TMEM165: variants seen among roughly 807,000 people sequenced by gnomAD.
The protein encoded by TMEM165 is transmembrane protein 165.
A neutral mutation model predicts 30.0 loss-of-function variants in TMEM165; 19 were observed. The ratio of observed to expected loss-of-function variants is 0.63; its 90% CI spans 0.44 to 0.93. TMEM165 has a LOEUF of 0.93. Ranked by LOEUF, TMEM165 falls within the 40% of genes least tolerant of loss-of-function variation. The pLI, the probability that TMEM165 is intolerant of heterozygous loss-of-function variation, is 0.00. For missense variants in TMEM165, 340 were observed against 417.0 expected (o/e 0.82, Z 1.61); for synonymous variants, 168 against 162.9 (o/e 1.03, Z -0.24).
chr4:55,424,644 G>T lies in TMEM165; in HGVS notation c.898+1G>T, dbSNP rs111449619. On this transcript the variant is annotated splice_donor_variant, in intron 5 of 5. Coordinates refer to ENST00000381334, the MANE Select transcript of TMEM165 (RefSeq NM_018475.5). LOFTEE classifies it high-confidence loss of function. ...GCACAGAAAATCTCTGTCAGAACTG[G>T]TAAGTCTTGAAAATTACAAATCAGA... The T allele has an allele frequency of 6.3e-7, 1 of 1,575,538 alleles. No individual in the cohort carries two copies. The highest frequency in any genetic ancestry group is 8.7e-7 in the Non-Finnish European group (1 of 1,144,760).
chr4:55,428,400 T>C (rs1214859374), downstream of TMEM165: 6 of 152,204 alleles, frequency 3.9e-5, no homozygotes, highest in African/African-American at 9.6e-5. Flanking sequence ...CAAACATACA[T>C]AGGTCATGAA....
At chr4:55,438,659 G>A (rs1456287019) in intron 3 of TMEM165, 1 of 1,412,932 alleles carries the variant, frequency 7.1e-7, no homozygotes. Flanking sequence ...GTTTTTCAAG[G>A]TCTGTATATT....
chr4:55,405,721 G>A (rs773209843), intron 1 of TMEM165, among the ~76,000 whole-genome samples: 9 of 151,944 alleles, frequency 5.9e-5, no homozygotes, highest in Non-Finnish European at 1.2e-4. Context: ...GTCTTAACAC[G>A]GGTTTCATGC....
At chr4:55,413,302 A>T (rs529172319) in intron 2 of TMEM165, among the ~76,000 whole-genome samples, 1 of 149,646 alleles carries the variant, frequency 6.7e-6, no homozygotes, top group African/African-American at 2.5e-5. Flanking sequence ...TATTTTTTAA[A>T]TTTTTATTTA....
At chr4:55,400,593 A>G (rs993900621) in intron 1 of TMEM165, among the ~76,000 whole-genome samples, 2 of 144,674 alleles carry the variant, frequency 1.4e-5, no homozygotes, top group Middle Eastern at 3.2e-3. Flanking sequence ...GCCCGCCACC[A>G]TGCCCGCCTA....
chr4:55,426,944 C>T (rs189993425), downstream of TMEM165, among the ~76,000 whole-genome samples: 1 of 151,954 alleles, frequency 6.6e-6, no homozygotes. Context: ...AAAACAATGT[C>T]TGTGGATTAA....
At chr4:55,449,503 T>A (rs767896846) in intron 3 of TMEM165, 1 of 1,606,318 alleles carries the variant, frequency 6.2e-7, no homozygotes, top group Admixed American at 1.7e-5. Context: ...GTTGCTGAAG[T>A]CAACAAAATC....
intron 3 of TMEM165, chr4:55,432,681 AAGC>A (rs1722601030): frequency 6.6e-6 from 1 of 151,922 alleles, no homozygotes; most frequent in African/African-American, 2.4e-5. Context: ...GAGGAAAACA[AAGC>A]AGCAAAGAGG....
Position 55,425,497 on chromosome 4 carries a change from A to C in TMEM165, c.*45A>C. The C allele has an allele frequency of 7.0e-7, 1 of 1,431,552 alleles. No individual in the cohort carries two copies. The highest frequency in any genetic ancestry group is 9.8e-7 in the Non-Finnish European group (1 of 1,017,014). The allele number at this position is 1,431,552 out of a possible 1,614,324, so 88.7% of individuals were successfully genotyped here. The stretch of plus-strand genomic sequence containing the variant: ...TATTTAGTTTAAAATAGGTAGTATT[A>C]TCTTTCTGTACATAGTGTACATTAC... On this transcript the variant is annotated 3_prime_UTR_variant, in exon 6 of 6. Transcript: ENST00000381334.
At chr4:55,399,648 A>G (rs1720870929) in intron 1 of TMEM165, among the ~76,000 whole-genome samples, 1 of 152,220 alleles carries the variant, frequency 6.6e-6, no homozygotes, top group African/African-American at 2.4e-5. Flanking sequence ...AAATCTAGCC[A>G]TGCAGAATGC....
chr4:55,412,487 T>C (rs1352460541), intron 2 of TMEM165: 1 of 148,396 alleles, frequency 6.7e-6, no homozygotes, highest in Non-Finnish European at 1.5e-5. Context: ...TGATACCCAC[T>C]ATCACCATCA....
At chr4:55,427,038 T>TG (rs1237589469), downstream of TMEM165, among the ~76,000 whole-genome samples, 36 of 35,794 alleles carry the variant, frequency 1.0e-3, no homozygotes, top group African/African-American at 6.3e-3. Context: ...TCACTAGTAT[T>TG]TTTTTTTTTT....
At chr4:55,448,590 G>GTGCA (rs1724094842) in intron 3 of TMEM165, among the ~76,000 whole-genome samples, 2 of 81,052 alleles carry the variant, frequency 2.5e-5, no homozygotes, top group South Asian at 5.7e-4. Flanking sequence ...ATGTGCGCGC[G>GTGCA]CGCACGCGCG....
chr4:55,434,534 T>C (rs1200780845), intron 3 of TMEM165: 1 of 152,270 alleles, frequency 6.6e-6, no homozygotes, highest in East Asian at 1.9e-4. Context: ...TGAAAAATAA[T>C]GAAATGAGGG....
chr4:55,445,903 T>C (rs1723801559), intron 3 of TMEM165, among the ~76,000 whole-genome samples: 2 of 152,072 alleles, frequency 1.3e-5, no homozygotes. Flanking sequence ...GCTTTATTCC[T>C]ATATTCTTTA....
In TMEM165 at chr4:55,396,001, G is replaced by T; in HGVS notation, c.-189G>T. 1 of 408,828 alleles carries T rather than the reference G, an allele frequency of 2.4e-6. No individual in the cohort carries two copies. The highest frequency in any genetic ancestry group is 4.2e-6 in the Non-Finnish European group (1 of 240,844). 25.3% of individuals were successfully genotyped at this position (408,828 alleles called of 1,614,324 possible). A position where few individuals can be genotyped will look rare whatever the true frequency, so the allele number is the denominator to read the frequency against. ...CCGGAGAGGACGGGCGCCGAGCCGG[G>T]GCTGCGGACTTCGGCCTGCCCCTCA... On this transcript the variant is annotated 5_prime_UTR_variant, in exon 1 of 6. Coordinates refer to ENST00000381334, the MANE Select transcript of TMEM165 (RefSeq NM_018475.5).
intron 4 of TMEM165, among the ~76,000 whole-genome samples, chr4:55,420,154 A>G (rs1318666359): frequency 2.5e-5 from 3 of 117,760 alleles, no homozygotes; most frequent in African/African-American, 8.4e-5. Context: ...TATTTTATTT[A>G]TTTATTTAAT....
chr4:55,452,800 A>G (rs1724583257), exon 4 of TMEM165: 1 of 318,528 alleles, frequency 3.1e-6, no homozygotes, highest in East Asian at 6.1e-5. Flanking sequence ...TAAATAACCT[A>G]GCCAGAGACT....
intron 2 of TMEM165, 58 bp downstream of exon 2, chr4:55,411,897 G>T: frequency 6.5e-7 from 1 of 1,527,860 alleles, no homozygotes. Context: ...CGTGTTGTGT[G>T]ACATGGAGTC....
Sources: allele counts gnomAD v4.1 joint callset (sites outside exome capture counted in the v4.1 genomes callset), GRCh38; gene constraint gnomAD v4.1.1; transcripts MANE v1.5; gene names NCBI Gene and HGNC (gene_info 2026-07-23, HGNC 2026-07-21).